The following ENTREP1 variants were observed in gnomAD, a reference collection of about 807,000 sequenced individuals.
The protein encoded by ENTREP1 is endosomal transmembrane epsin interactor 1, also known as Friedreich ataxia region gene X123.
the ENTREP1 span, among the ~76,000 whole-genome samples, chr9:69,337,987 T>G: frequency 6.6e-6 from 1 of 152,166 alleles, no homozygotes; most frequent in Non-Finnish European, 1.5e-5. Context: ...TGCGGAATCT[T>G]TGTGTGTCAG....
At chr9:69,327,041 T>C in the ENTREP1 span, among the ~76,000 whole-genome samples, 1 of 152,106 alleles carries the variant, frequency 6.6e-6, no homozygotes, top group Non-Finnish European at 1.5e-5. Flanking sequence ...GAAGAACTAA[T>C]TGAACCCAAA....
the ENTREP1 span, among the ~76,000 whole-genome samples, chr9:69,326,011 G>A: frequency 6.6e-6 from 1 of 152,116 alleles, no homozygotes; most frequent in Non-Finnish European, 1.5e-5. Flanking sequence ...GGAAGGACAG[G>A]GTGTGGGTGG....
the ENTREP1 span, among the ~76,000 whole-genome samples, chr9:69,340,636 C>CGTGT: frequency 8.3e-6 from 1 of 120,550 alleles, no homozygotes; most frequent in African/African-American, 3.4e-5. Flanking sequence ...TGTGTGTGTG[C>CGTGT]GTGCATGTGT....
the ENTREP1 span, among the ~76,000 whole-genome samples, chr9:69,343,898 A>G: frequency 6.6e-6 from 1 of 152,184 alleles, no homozygotes; most frequent in African/African-American, 2.4e-5. Flanking sequence ...ATTCTTTACT[A>G]TTCTTGGGTG....
chr9:69,362,374 C>T, the ENTREP1 span, among the ~76,000 whole-genome samples: 3 of 152,152 alleles, frequency 2.0e-5, no homozygotes, highest in Non-Finnish European at 2.9e-5. Flanking sequence ...GTTCCCCAAA[C>T]ATTCTTTCAT....
the ENTREP1 span, chr9:69,383,387 G>T: frequency 7.7e-7 from 1 of 1,295,410 alleles, no homozygotes; most frequent in East Asian, 3.4e-5. Context: ...TTTGCTTTTT[G>T]ACTGATGGGT....
chr9:69,376,894 G>A, the ENTREP1 span, among the ~76,000 whole-genome samples: 35 of 152,152 alleles, frequency 2.3e-4, no homozygotes, highest in African/African-American at 1.7e-4. Context: ...CAGTGTCCTC[G>A]TCGTGTGCAT....
At chr9:69,348,857 A>G in the ENTREP1 span, among the ~76,000 whole-genome samples, 2 of 152,034 alleles carry the variant, frequency 1.3e-5, no homozygotes, top group South Asian at 2.1e-4. Context: ...TTATTTATTC[A>G]TCAGTTGATG....
the ENTREP1 span, chr9:69,375,828 G>A: frequency 7.4e-6 from 12 of 1,614,012 alleles, no homozygotes; most frequent in South Asian, 3.3e-5. Flanking sequence ...AACTCTTTCC[G>A]GTTCAGCCCT....
At chr9:69,368,781 A>G in the ENTREP1 span, among the ~76,000 whole-genome samples, 4 of 152,200 alleles carry the variant, frequency 2.6e-5, no homozygotes, top group African/African-American at 7.2e-5. Context: ...ATTATTTGCA[A>G]TTCTTCTGCA....
chr9:69,326,702 CCT>C, the ENTREP1 span, among the ~76,000 whole-genome samples: 1 of 151,886 alleles, frequency 6.6e-6, no homozygotes, highest in Non-Finnish European at 1.5e-5. Context: ...CAGTAAATAA[CCT>C]CTCTTTATAT....
chr9:69,325,230 G>A, the ENTREP1 span: 1 of 1,063,644 alleles, frequency 9.4e-7, no homozygotes, highest in Non-Finnish European at 1.1e-6. Flanking sequence ...CCAGTGTGCT[G>A]CGCCTTCGGC....
At chr9:69,363,090 G>A in the ENTREP1 span, among the ~76,000 whole-genome samples, 1 of 152,200 alleles carries the variant, frequency 6.6e-6, no homozygotes, top group Non-Finnish European at 1.5e-5. Context: ...CTTGGATTTT[G>A]CAATGTATCC....
the ENTREP1 span, among the ~76,000 whole-genome samples, chr9:69,335,566 G>C: frequency 6.6e-6 from 1 of 152,168 alleles, no homozygotes; most frequent in Admixed American, 6.5e-5. Context: ...TAAAAACCAG[G>C]CTTGAGAGCA....
At chr9:69,391,477 C>CTTTTTTTT in the ENTREP1 span, 7 of 692,080 alleles carry the variant, frequency 1.0e-5, no homozygotes, top group African/African-American at 1.9e-5. Context: ...GGGAAAATGC[C>CTTTTTTTT]TTTTTTTTTT....
the ENTREP1 span, among the ~76,000 whole-genome samples, chr9:69,373,450 G>T: frequency 2.0e-5 from 3 of 152,200 alleles, no homozygotes; most frequent in East Asian, 3.9e-4. Flanking sequence ...ACATAAATAT[G>T]TATGGAGTGG....
At chr9:69,331,959 G>A in the ENTREP1 span, among the ~76,000 whole-genome samples, 2 of 152,184 alleles carry the variant, frequency 1.3e-5, no homozygotes, top group Non-Finnish European at 2.9e-5. Context: ...AAGGGAGGTG[G>A]AGGCATTGAA....
At chr9:69,347,461 C>A in the ENTREP1 span, among the ~76,000 whole-genome samples, 9 of 152,216 alleles carry the variant, frequency 5.9e-5, no homozygotes, top group South Asian at 6.2e-4. Flanking sequence ...TAGACCCACA[C>A]GAAAAAAGGG....
At chr9:69,325,669 G>T in the ENTREP1 span, 3 of 1,231,406 alleles carry the variant, frequency 2.4e-6, no homozygotes, top group South Asian at 4.1e-5. Context: ...GGGCGCTGTC[G>T]CTGAGCAGCT....
Sources: allele counts gnomAD v4.1 joint callset (sites outside exome capture counted in the v4.1 genomes callset), GRCh38; gene constraint gnomAD v4.1.1; transcripts MANE v1.5; gene names NCBI Gene and HGNC (gene_info 2026-07-23, HGNC 2026-07-21).